The following PPARGC1B variants were observed in gnomAD, a reference collection of about 807,000 sequenced individuals.
PPARGC1B encodes the protein PPARG coactivator 1 beta, also known as peroxisome proliferator-activated receptor gamma coactivator 1-beta.
A neutral mutation model predicts 101.6 loss-of-function variants in PPARGC1B; 34 were observed. The ratio of observed to expected loss-of-function variants is 0.33; its 90% CI spans 0.25 to 0.45. The LOEUF (loss-of-function observed/expected upper bound fraction) is 0.45, where lower values mean the gene tolerates loss of function less well. Ranked by LOEUF, PPARGC1B falls within the 20% of genes least tolerant of loss-of-function variation. The pLI is 1.00. For missense variants in PPARGC1B, 1,234 were observed against 1,317.6 expected, an observed-to-expected ratio of 0.94 and a Z score of 0.98; for synonymous variants, 548 against 539.3, an observed-to-expected ratio of 1.02 and a Z score of -0.22.
At chr5:149,835,848 C>T (rs57564519) in intron 7 of PPARGC1B, among the ~76,000 whole-genome samples, 1 of 152,244 alleles carries the variant, frequency 6.6e-6, no homozygotes, top group East Asian at 1.9e-4. Context: ...TACCTCCAGG[C>T]TCAGCCAGCA....
At chr5:149,788,392 GTTA>G (rs1426121466) in intron 1 of PPARGC1B, among the ~76,000 whole-genome samples, 2 of 152,186 alleles carry the variant, frequency 1.3e-5, no homozygotes, top group Non-Finnish European at 2.9e-5. Flanking sequence ...TCTCACACCA[GTTA>G]GAATGGCGAT....
In PPARGC1B at chr5:149,836,552, A is replaced by G. The variant is rs983784691; in HGVS notation, c.2097A>G (p.Arg699=). 1 of 1,613,872 alleles carries G rather than the reference A, an allele frequency of 6.2e-7. No individual in the cohort carries two copies. The highest frequency in any genetic ancestry group is 1.1e-5 in the South Asian group (1 of 91,078). The stretch of plus-strand genomic sequence containing the variant: ...ACCATGACTACTGCCAGGTGCTCCG[A>G]CCAGAAGGCGTCCTGCAAAGGAAGG... ...FGDHDYCQVL[R]PEGVLQRKVL... The change falls in exon 8 of 12, where the codon CGA becomes CGG. Residue 699 remains arginine (R), a synonymous_variant. Transcript: ENST00000309241.
At chr5:149,756,103 G>T (rs1156883005) in intron 1 of PPARGC1B, among the ~76,000 whole-genome samples, 1 of 152,196 alleles carries the variant, frequency 6.6e-6, no homozygotes, top group Non-Finnish European at 1.5e-5. Context: ...GGGTGGATTT[G>T]AAGTATCAGT....
rs752211990 is a variant in PPARGC1B, at chr5:149,826,669, C to T, written c.253-4C>T. The T allele has an allele frequency of 1.2e-6, 2 of 1,611,852 alleles. No homozygotes were observed. The highest frequency in any genetic ancestry group is 1.7e-6 in the Non-Finnish European group (2 of 1,178,040). ...TTCTGACCCTCCCGCCCTCCTCACT[C>T]CAGATTGACAGTGAGAATGAGGCCC... On this transcript the variant is annotated splice_region_variant and splice_polypyrimidine_tract_variant and intron_variant, in intron 2 of 11. Coordinates refer to ENST00000309241, the MANE Select transcript of PPARGC1B (RefSeq NM_133263.4).
At chr5:149,818,056 C>T (rs548931389) in intron 1 of PPARGC1B, among the ~76,000 whole-genome samples, 1 of 152,300 alleles carries the variant, frequency 6.6e-6, no homozygotes, top group East Asian at 1.9e-4. Flanking sequence ...TGAGAGAATC[C>T]ACCTGAGTTC....
At chr5:149,845,471 T>C (rs1488541339) in intron 10 of PPARGC1B, among the ~76,000 whole-genome samples, 1 of 152,200 alleles carries the variant, frequency 6.6e-6, no homozygotes, top group Non-Finnish European at 1.5e-5. Context: ...ACCTCTTTCC[T>C]CATCTGCAAG....
chr5:149,758,408 C>G (rs1755611073), intron 1 of PPARGC1B, among the ~76,000 whole-genome samples: 1 of 152,264 alleles, frequency 6.6e-6, no homozygotes, highest in South Asian at 2.1e-4. Context: ...TCTCCATTCT[C>G]TTAGAGCTTA....
At chr5:149,774,127 G>T (rs527962737) in intron 1 of PPARGC1B, among the ~76,000 whole-genome samples, 1 of 152,214 alleles carries the variant, frequency 6.6e-6, no homozygotes, top group South Asian at 2.1e-4. Flanking sequence ...TTCCCTTTGG[G>T]GAGAGGCCAT....
chr5:149,762,823 G>C (rs1278407900), intron 1 of PPARGC1B, among the ~76,000 whole-genome samples: 1 of 152,060 alleles, frequency 6.6e-6, no homozygotes, highest in Admixed American at 6.6e-5. Context: ...GTCTCGCTCT[G>C]TTGCCCAGTC....
At chr5:149,778,063 TCA>T (rs1219646323) in intron 1 of PPARGC1B, among the ~76,000 whole-genome samples, 569 of 11,870 alleles carry the variant, frequency 0.048, 20 homozygotes, top group Non-Finnish European at 0.054. Context: ...TAGCAGCATC[TCA>T]CACACACACA....
intron 1 of PPARGC1B, among the ~76,000 whole-genome samples, chr5:149,785,466 G>C (rs73265642): frequency 1.3e-5 from 2 of 152,192 alleles, no homozygotes; most frequent in African/African-American, 2.4e-5. Context: ...ACAATAAAAG[G>C]CACCACCCTC....
rs920157617 is a variant in PPARGC1B at position 149,851,120 on chromosome 5, G to A, written c.*3562G>A. ...AGGGCTTTGCGGGCAGGAGAAGGAA[G>A]GGAGGAATGCTCTGAGCTGCAAAGA... On this transcript the variant is annotated 3_prime_UTR_variant, in exon 12 of 12. Transcript: ENST00000309241. 3.3e-5 allele frequency: 5 copies of A among 152,240 alleles called. No homozygotes were observed. The highest frequency in any genetic ancestry group is 1.3e-4 in the Admixed American group (2 of 15,276). 9.4% of individuals were successfully genotyped at this position (152,240 alleles called of 1,614,324 possible). A position where few individuals can be genotyped will look rare whatever the true frequency, so the allele number is the denominator to read the frequency against.
downstream of PPARGC1B, among the ~76,000 whole-genome samples, chr5:149,856,499 C>T (rs1007825206): frequency 5.3e-5 from 8 of 152,092 alleles, no homozygotes; most frequent in Middle Eastern, 3.2e-3. Context: ...AGATCCTACC[C>T]GTAGTGCAAG....
At chr5:149,784,845 G>T (rs1188404697) in intron 1 of PPARGC1B, among the ~76,000 whole-genome samples, 1 of 151,936 alleles carries the variant, frequency 6.6e-6, no homozygotes. Context: ...GGGATTACAG[G>T]CGTGAGCCAC....
At chr5:149,830,043 A>AG (rs1758698572) in intron 3 of PPARGC1B, among the ~76,000 whole-genome samples, 1 of 126,846 alleles carries the variant, frequency 7.9e-6, no homozygotes, top group African/African-American at 3.2e-5. Flanking sequence ...AAAAAAAAAA[A>AG]AAAAAAAAAA....
At chr5:149,738,735 T>C (rs1454890502) in intron 1 of PPARGC1B, among the ~76,000 whole-genome samples, 1 of 152,198 alleles carries the variant, frequency 6.6e-6, no homozygotes, top group Non-Finnish European at 1.5e-5. Flanking sequence ...TAGCTGAGAC[T>C]ACAGGCATGT....
Position 149,820,581 on chromosome 5 carries a change from G to A in PPARGC1B, c.227G>A (p.Ser76Asn), listed in dbSNP as rs775566896. 5.5e-5 allele frequency: 89 copies of A among 1,612,878 alleles called. No homozygotes were observed. Among genetic ancestry groups the A allele is most frequent in the Non-Finnish European group, 7.1e-5 (84 of 1,179,980 alleles). Residue 76 changes from serine (S) to asparagine (N), a missense_variant, in exon 2 of 12, where the codon AGC becomes AAC. Physicochemically the swap from Ser to Asn is conservative, Grantham distance 46. Transcript: ENST00000309241. ...ENSETEPNQY[S>N]PDDSELFQID... ...TCAGAGACTGAACCCAACCAGTACA[G>A]CCCCGATGACTCCGAGCTCTTCCAG...
chr5:149,747,433 C>T (rs1184880539), intron 1 of PPARGC1B, among the ~76,000 whole-genome samples: 2 of 152,238 alleles, frequency 1.3e-5, no homozygotes, highest in Admixed American at 6.5e-5. Flanking sequence ...CCATTCTTCA[C>T]GTGAGCCTGA....
downstream of PPARGC1B, among the ~76,000 whole-genome samples, chr5:149,855,985 G>A (rs1436485370): frequency 6.6e-6 from 1 of 151,936 alleles, no homozygotes; most frequent in African/African-American, 2.4e-5. Context: ...GGCGTGGTGA[G>A]GGGCGCCTGT....
Sources: gnomAD v4.1 joint callset for allele counts (sites outside exome capture counted in the v4.1 genomes callset) on GRCh38, gnomAD v4.1.1 for gene constraint, MANE v1.5 for transcripts, NCBI Gene and HGNC (gene_info 2026-07-23, HGNC 2026-07-21) for gene names.